Variants in CDC37L1 observed in about 807,000 individuals in gnomAD.
The protein encoded by CDC37L1 is cell division cycle 37 like 1, HSP90 cochaperone.
A neutral mutation model predicts 45.9 loss-of-function variants in CDC37L1; 32 were observed. The observed-to-expected ratio is 0.70, with a 90% CI of 0.53 to 0.94. CDC37L1 has a LOEUF of 0.94. Ranked by LOEUF, CDC37L1 falls within the 40% of genes least tolerant of loss-of-function variation. CDC37L1 has a pLI of 0.00. For missense variants in CDC37L1, 434 were observed against 405.7 expected (o/e 1.07, Z -0.60); for synonymous variants, 150 against 133.0 (o/e 1.13, Z -0.88).
In CDC37L1 at chr9:4,697,080, A is replaced by C. The variant is rs7025425; in HGVS notation, c.509-16A>C. 9,142 of 1,128,138 alleles carry C rather than the reference A, an allele frequency of 8.1e-3. 532 individuals carry two copies. In the African/African-American group the frequency reaches 0.13, roughly 16 times the overall value. 69.9% of individuals were successfully genotyped at this position (1,128,138 alleles called of 1,614,324 possible). A position where few individuals can be genotyped will look rare whatever the true frequency, so the allele number is the denominator to read the frequency against. On this transcript the variant is annotated splice_polypyrimidine_tract_variant and intron_variant, in intron 3 of 6. Coordinates refer to ENST00000381854, the MANE Select transcript of CDC37L1 (RefSeq NM_017913.4). ...GAAAATATTTGACACTTATGGTTCA[A>C]TTCTTTTTTTTACAGGTATGTTGAG...
chr9:4,690,913 A>G (rs1308743439), intron 3 of CDC37L1, among the ~76,000 whole-genome samples: 2 of 152,220 alleles, frequency 1.3e-5, no homozygotes, highest in Admixed American at 1.3e-4. Flanking sequence ...AGAGACCTGG[A>G]ATACCTGCAA....
intron 3 of CDC37L1, among the ~76,000 whole-genome samples, chr9:4,696,143 T>A (rs1256718982): frequency 6.6e-6 from 1 of 152,178 alleles, no homozygotes; most frequent in Non-Finnish European, 1.5e-5. Flanking sequence ...TTGACTCACA[T>A]TGTTGCTGTG....
Position 4,707,920 on chromosome 9 carries a change from T to TA in CDC37L1, c.*1809dup, listed in dbSNP as rs1405066689. ...GAATTTCATTTTGCCTTCTCTAAGT[T>TA]AGAGGTATTTAATGACTGAAGACTG... On this transcript the variant is annotated 3_prime_UTR_variant, in exon 7 of 7. Transcript: ENST00000381854. 2.6e-5 allele frequency: 4 copies of TA among 152,222 alleles called. No homozygotes were observed. The highest frequency in any genetic ancestry group is 5.9e-5 in the Non-Finnish European group (4 of 68,042). The allele number at this position is 152,222 out of a possible 1,614,324, so 9.4% of individuals were successfully genotyped here. A position where few individuals can be genotyped will look rare whatever the true frequency, so the allele number is the denominator to read the frequency against.
intron 5 of CDC37L1, among the ~76,000 whole-genome samples, chr9:4,699,359 A>G (rs930039725): frequency 6.6e-6 from 1 of 152,190 alleles, no homozygotes; most frequent in Admixed American, 6.5e-5. Flanking sequence ...GTATAATGCA[A>G]ATATTCCCAG....
At chr9:4,681,716 C>G (rs1445979866) in intron 1 of CDC37L1, among the ~76,000 whole-genome samples, 1 of 152,106 alleles carries the variant, frequency 6.6e-6, no homozygotes, top group African/African-American at 2.4e-5. Flanking sequence ...ATTGGTCTTA[C>G]TGGCTTTAAG....
rs745342909 is a variant in CDC37L1 at position 4,701,964 on chromosome 9, C to T, written c.848C>T (p.Thr283Ile). Residue 283 changes from threonine (T) to isoleucine (I), a missense_variant, in exon 6 of 7, where the codon ACA becomes ATA. Thr to Ile is a moderately conservative substitution (Grantham distance 89). Coordinates refer to ENST00000381854, the MANE Select transcript of CDC37L1 (RefSeq NM_017913.4). Reference protein sequence around the residue: ...YSQSQSFQPMTVQNHVPHSGV... With the variant: ...YSQSQSFQPMIVQNHVPHSGV... ...CAATCACAAAGTTTTCAACCTATGA[C>T]AGTTCAGAATCATGTTCCCCATTCT... The T allele has an allele frequency of 5.1e-6, 8 of 1,569,830 alleles. No individual in the cohort carries two copies. The highest frequency in any genetic ancestry group is 4.3e-6 in the Non-Finnish European group (5 of 1,161,110).
rs752547839 is a variant in CDC37L1, at chr9:4,679,618, C to T, written c.-150C>T. ...GCCCAGGCTGTCGCCGGGTGTGCAGCGGCGTCGCGGCCAGTAGAGGGATTC... is the reference window on the plus strand; with the variant it reads ...GCCCAGGCTGTCGCCGGGTGTGCAGTGGCGTCGCGGCCAGTAGAGGGATTC... On this transcript the variant is annotated 5_prime_UTR_variant, in exon 1 of 7. Coordinates refer to ENST00000381854, the MANE Select transcript of CDC37L1 (RefSeq NM_017913.4). 1.5e-6 allele frequency: 1 copy of T among 654,158 alleles called. No individual in the cohort carries two copies. Among genetic ancestry groups the T allele is most frequent in the East Asian group, 3.2e-5 (1 of 31,664 alleles). 40.5% of individuals were successfully genotyped at this position (654,158 alleles called of 1,614,324 possible).
chr9:4,702,280 A>C (rs1372907132), intron 6 of CDC37L1, among the ~76,000 whole-genome samples: 1 of 152,152 alleles, frequency 6.6e-6, no homozygotes, highest in Non-Finnish European at 1.5e-5. Flanking sequence ...CTTAAGAACA[A>C]ATCTTAGCTA....
chr9:4,700,494 T>A (rs951892353), intron 5 of CDC37L1, among the ~76,000 whole-genome samples: 1 of 152,224 alleles, frequency 6.6e-6, no homozygotes, highest in African/African-American at 2.4e-5. Context: ...AAAACATACT[T>A]TCCTTTTTAT....
At chr9:4,683,821 C>T (rs887817308) in intron 1 of CDC37L1, among the ~76,000 whole-genome samples, 11 of 152,104 alleles carry the variant, frequency 7.2e-5, no homozygotes, top group East Asian at 3.8e-4. Context: ...GTACATTTGA[C>T]GAAGAACTCA....
intron 1 of CDC37L1, among the ~76,000 whole-genome samples, chr9:4,684,570 G>T (rs909410843): frequency 2.6e-5 from 4 of 152,172 alleles, no homozygotes; most frequent in African/African-American, 9.7e-5. Context: ...TATTCTGCTT[G>T]TTCAGGATTA....
At chr9:4,691,482 C>G (rs2130847796) in intron 3 of CDC37L1, among the ~76,000 whole-genome samples, 1 of 152,306 alleles carries the variant, frequency 6.6e-6, no homozygotes, top group East Asian at 1.9e-4. Context: ...GTATACTCTT[C>G]TAAACACATC....
At chr9:4,688,667 A>G in intron 3 of CDC37L1, 61 bp downstream of exon 3, 1 of 1,079,630 alleles carries the variant, frequency 9.3e-7, no homozygotes, top group Non-Finnish European at 1.3e-6. Context: ...ACATGTGCAA[A>G]AAATGGATTT....
chr9:4,701,483 ATTGT>A (rs1841395474), intron 5 of CDC37L1, among the ~76,000 whole-genome samples: 3 of 152,310 alleles, frequency 2.0e-5, no homozygotes, highest in South Asian at 4.1e-4. Context: ...ATATCCCTTG[ATTGT>A]TTGGTAGTAG....
chr9:4,686,076 C>T (rs1841244194), intron 2 of CDC37L1, among the ~76,000 whole-genome samples: 2 of 152,170 alleles, frequency 1.3e-5, no homozygotes, highest in South Asian at 4.1e-4. Context: ...GAGGCTGAGG[C>T]TTGAGGATTA....
intron 6 of CDC37L1, among the ~76,000 whole-genome samples, chr9:4,702,706 C>T (rs1446893983): frequency 6.6e-6 from 1 of 151,274 alleles, no homozygotes; most frequent in Non-Finnish European, 1.5e-5. Context: ...AAGGTGAAAC[C>T]CCGTCTCTTC....
rs191236067 is a variant in CDC37L1 at position 4,683,248 on chromosome 9, C to T, written c.133-1629C>T. Among the ~76,000 whole-genome samples the T allele has an allele frequency of 2.6e-5, 4 of 151,358 alleles. No individual in the cohort carries two copies. The Admixed American group carries it at 2.6e-4, about 10-fold the overall frequency. ...TGAATAGCAAGTGTCCACATTTGTC[C>T]CAGTACAAACGTGAGTTTGCCTGAA... On this transcript the variant is annotated intron_variant, in intron 1 of 6. Coordinates refer to ENST00000381854, the MANE Select transcript of CDC37L1 (RefSeq NM_017913.4).
chr9:4,694,078 C>T (rs1268546956), intron 3 of CDC37L1, among the ~76,000 whole-genome samples: 1 of 152,104 alleles, frequency 6.6e-6, no homozygotes, highest in African/African-American at 2.4e-5. Flanking sequence ...GTTGTTGATT[C>T]TCCTTATGTG....
intron 5 of CDC37L1, among the ~76,000 whole-genome samples, chr9:4,699,479 CA>C (rs1841378289): frequency 6.6e-6 from 1 of 151,880 alleles, no homozygotes; most frequent in Non-Finnish European, 1.5e-5. Context: ...GATGGAAAAA[CA>C]AGAGAGTGAA....
Sources: gnomAD v4.1 joint callset for allele counts (sites outside exome capture counted in the v4.1 genomes callset) on GRCh38, gnomAD v4.1.1 for gene constraint, MANE v1.5 for transcripts, NCBI Gene and HGNC (gene_info 2026-07-23, HGNC 2026-07-21) for gene names.